GALNTL6: variants seen among roughly 807,000 people sequenced by gnomAD.
GALNTL6 encodes the protein polypeptide N-acetylgalactosaminyltransferase-like 6.
In GALNTL6, 46 loss-of-function variants were observed where a neutral mutation model predicts 73.7. The ratio of observed to expected loss-of-function variants is 0.62; its 90% CI spans 0.49 to 0.80. The LOEUF (loss-of-function observed/expected upper bound fraction) is 0.80. GALNTL6 is among the 30% of genes least tolerant of loss of function. GALNTL6 has a pLI of 0.00. For missense variants in GALNTL6, 604 were observed against 755.0 expected (o/e 0.80, Z 2.34); for synonymous variants, 259 against 263.7 (o/e 0.98, Z 0.17).
intron 2 of GALNTL6, among the ~76,000 whole-genome samples, chr4:172,163,021 C>T (rs1734521199): frequency 6.6e-6 from 1 of 152,002 alleles, no homozygotes. Flanking sequence ...AGCACAGAGC[C>T]AGATAAATCA....
intron 2 of GALNTL6, chr4:172,052,572 C>A: frequency 7.2e-7 from 1 of 1,390,138 alleles, no homozygotes; most frequent in Non-Finnish European, 9.8e-7. Context: ...CAGACCAAGA[C>A]AAGATAGGGT....
intron 2 of GALNTL6, among the ~76,000 whole-genome samples, chr4:172,098,023 T>C (rs1732407378): frequency 6.6e-6 from 1 of 152,132 alleles, no homozygotes; most frequent in Non-Finnish European, 1.5e-5. Flanking sequence ...ACAGTAAGCA[T>C]TATTTATTGG....
chr4:172,118,900 CAGACTTTT>C (rs1449517019), intron 2 of GALNTL6, among the ~76,000 whole-genome samples: 1 of 151,402 alleles, frequency 6.6e-6, no homozygotes, highest in East Asian at 1.9e-4. Context: ...AGCTTTTTTC[CAGACTTTT>C]AGACTTTCAC....
At chr4:172,007,632 A>G (rs1278016036) in intron 2 of GALNTL6, among the ~76,000 whole-genome samples, 3 of 152,244 alleles carry the variant, frequency 2.0e-5, no homozygotes, top group African/African-American at 7.2e-5. Flanking sequence ...TTTAAGTAAG[A>G]TCATCTTTTT....
intron 5 of GALNTL6, among the ~76,000 whole-genome samples, chr4:172,742,491 T>A (rs771669540): frequency 6.6e-6 from 1 of 151,648 alleles, no homozygotes; most frequent in Non-Finnish European, 1.5e-5. Flanking sequence ...AACACAATTA[T>A]TGTGTCTTCA....
intron 5 of GALNTL6, among the ~76,000 whole-genome samples, chr4:172,547,982 C>T (rs770439386): frequency 2.6e-5 from 4 of 152,150 alleles, no homozygotes; most frequent in South Asian, 2.1e-4. Flanking sequence ...GGGGCTTGTC[C>T]GATTGCCATG....
Position 172,852,442 on chromosome 4 carries a change from A to G in GALNTL6, c.924-30348A>G, listed in dbSNP as rs180838030. Among the ~76,000 whole-genome samples the G allele has an allele frequency of 1.4e-4, 22 of 152,310 alleles. No homozygotes were observed. In the East Asian group the frequency reaches 4.2e-3, roughly 29 times the overall value. On this transcript the variant is annotated intron_variant, in intron 7 of 12. Coordinates refer to ENST00000506823, the MANE Select transcript of GALNTL6 (RefSeq NM_001034845.3). The stretch of plus-strand genomic sequence containing the variant: ...ACATCCCGTTGACTTAAATTCAGTC[A>G]CGATCACAACTAAGCAAGACAGTGC...
chr4:172,555,081 C>T (rs1275414981), intron 5 of GALNTL6, among the ~76,000 whole-genome samples: 1 of 152,072 alleles, frequency 6.6e-6, no homozygotes, highest in Non-Finnish European at 1.5e-5. Flanking sequence ...TGCAGGTGTA[C>T]AATAGCACAT....
intron 4 of GALNTL6, among the ~76,000 whole-genome samples, chr4:172,340,988 C>A (rs1012274023): frequency 6.6e-6 from 1 of 152,090 alleles, no homozygotes; most frequent in African/African-American, 2.4e-5. Flanking sequence ...CCACCTTGGT[C>A]GCCTGGACTC....
At chr4:172,768,538 G>C (rs1040672464) in intron 5 of GALNTL6, among the ~76,000 whole-genome samples, 2 of 152,202 alleles carry the variant, frequency 1.3e-5, no homozygotes, top group Non-Finnish European at 2.9e-5. Context: ...ACTCAAGAAA[G>C]ATTCATGCAA....
At chr4:171,864,220 A>G (rs1735912934) in intron 2 of GALNTL6, among the ~76,000 whole-genome samples, 1 of 152,236 alleles carries the variant, frequency 6.6e-6, no homozygotes, top group African/African-American at 2.4e-5. Context: ...ATAATTATCT[A>G]TAGAATAACT....
At chr4:172,144,455 A>G (rs1316275206) in intron 2 of GALNTL6, among the ~76,000 whole-genome samples, 6 of 152,198 alleles carry the variant, frequency 3.9e-5, no homozygotes, top group Non-Finnish European at 8.8e-5. Flanking sequence ...TAAAAATTGT[A>G]TCCAAAAAAT....
At chr4:172,201,519 T>G (rs28580745) in intron 2 of GALNTL6, among the ~76,000 whole-genome samples, 3 of 149,856 alleles carry the variant, frequency 2.0e-5, no homozygotes, top group African/African-American at 5.1e-5. Context: ...TTTTTTTTTT[T>G]GTTTTTTGTT....
intron 5 of GALNTL6, among the ~76,000 whole-genome samples, chr4:172,397,649 C>T (rs1163904983): frequency 2.0e-5 from 3 of 151,906 alleles, no homozygotes; most frequent in Non-Finnish European, 4.4e-5. Flanking sequence ...GCGGTCTCTG[C>T]TCACCGCAAC....
At chr4:171,964,245 C>T (rs1241743854) in intron 2 of GALNTL6, among the ~76,000 whole-genome samples, 1 of 151,770 alleles carries the variant, frequency 6.6e-6, no homozygotes, top group Non-Finnish European at 1.5e-5. Context: ...GGCAGAGTAA[C>T]TTGTTAGTTT....
Position 172,123,085 on chromosome 4 carries a change from G to T in GALNTL6, c.139-106571G>T, listed in dbSNP as rs189770581. On this transcript the variant is annotated intron_variant, in intron 2 of 12. Coordinates refer to ENST00000506823, the MANE Select transcript of GALNTL6 (RefSeq NM_001034845.3). ...GGAAGCCAAACCAAGGCAGATTTCA[G>T]ATTTTACCTTCAGTCTTGAAGTTTC... is the stretch of plus-strand genomic sequence containing the variant. Among the ~76,000 whole-genome samples the T allele has an allele frequency of 9.8e-5, 15 of 152,306 alleles. No individual in the cohort carries two copies. The East Asian group carries it at 1.5e-3, about 16-fold the overall frequency.
chr4:171,884,057 A>G (rs949078113), intron 2 of GALNTL6, among the ~76,000 whole-genome samples: 10 of 152,216 alleles, frequency 6.6e-5, no homozygotes, highest in African/African-American at 1.9e-4. Flanking sequence ...TTATAGTAAC[A>G]TATTTTACAA....
chr4:172,802,794 AAAACAAAC>A (rs71594010), intron 5 of GALNTL6, among the ~76,000 whole-genome samples: 59 of 150,982 alleles, frequency 3.9e-4, no homozygotes, highest in African/African-American at 1.1e-3. Context: ...CCGTCTCAAA[AAAACAAAC>A]AAACAAACAA....
At chr4:172,880,458 A>G (rs1174806023) in intron 7 of GALNTL6, among the ~76,000 whole-genome samples, 1 of 152,102 alleles carries the variant, frequency 6.6e-6, no homozygotes, top group Admixed American at 6.6e-5. Flanking sequence ...GAAAATGCCA[A>G]CTAATCTACA....
Sources: gnomAD v4.1 joint callset for allele counts (sites outside exome capture counted in the v4.1 genomes callset) on GRCh38, gnomAD v4.1.1 for gene constraint, MANE v1.5 for transcripts, NCBI Gene and HGNC (gene_info 2026-07-23, HGNC 2026-07-21) for gene names.